The following RAB38 variants were observed in gnomAD, a reference collection of about 807,000 sequenced individuals.
RAB38 encodes ras-related protein Rab-38.
A neutral mutation model predicts 18.4 loss-of-function variants in RAB38; 15 were observed. The observed-to-expected ratio is 0.82, with a 90% confidence interval of 0.55 to 1.26. The LOEUF is 1.26. Among genes scored for constraint, RAB38 ranks in the 50% most tolerant of loss-of-function variants. RAB38 has a pLI of 0.00. For synonymous variants in RAB38, 101 were observed against 104.4 expected (o/e 0.97, Z 0.20); for missense variants, 294 against 267.4 (o/e 1.10, Z -0.69).
At chr11:87,810,164 T>G in the RAB38 span, among the ~76,000 whole-genome samples, 1 of 152,226 alleles carries the variant, frequency 6.6e-6, no homozygotes, top group African/African-American at 2.4e-5. Flanking sequence ...CTTTTTTTAC[T>G]TCTATTTTCC....
chr11:87,916,588 C>G, the RAB38 span, among the ~76,000 whole-genome samples: 5 of 152,212 alleles, frequency 3.3e-5, no homozygotes, highest in Admixed American at 1.3e-4. Context: ...ACTTCCCAGC[C>G]TGCAGAATTG....
At chr11:87,829,262 C>T in the RAB38 span, among the ~76,000 whole-genome samples, 2 of 152,158 alleles carry the variant, frequency 1.3e-5, no homozygotes, top group Admixed American at 6.5e-5. Flanking sequence ...TGGGATTAAT[C>T]GTACTCCAAA....
the RAB38 span, among the ~76,000 whole-genome samples, chr11:87,959,123 A>G: frequency 2.6e-5 from 4 of 151,492 alleles, no homozygotes; most frequent in African/African-American, 9.6e-5. Context: ...CCTTCAGGCT[A>G]TGGGCCCATA....
At chr11:88,006,130 T>C in the RAB38 span, among the ~76,000 whole-genome samples, 74 of 150,824 alleles carry the variant, frequency 4.9e-4, no homozygotes, top group Admixed American at 1.1e-3. Context: ...TGAATAGACA[T>C]TTTTCCAGAG....
chr11:87,844,701 T>C, the RAB38 span, among the ~76,000 whole-genome samples: 1 of 152,228 alleles, frequency 6.6e-6, no homozygotes, highest in African/African-American at 2.4e-5. Context: ...GACTAATTTA[T>C]AACCAAGTCC....
the RAB38 span, among the ~76,000 whole-genome samples, chr11:87,821,156 T>C: frequency 1.3e-5 from 2 of 152,272 alleles, no homozygotes; most frequent in Non-Finnish European, 2.9e-5. Context: ...AGTAGGACTT[T>C]TAAAAAGCCG....
At chr11:88,022,619 A>AAC in the RAB38 span, among the ~76,000 whole-genome samples, 1 of 145,090 alleles carries the variant, frequency 6.9e-6, no homozygotes, top group Non-Finnish European at 1.5e-5. Context: ...CACAAAAAAA[A>AAC]AAAAAAAAAA....
At chr11:88,116,334 A>G (rs940466390) in intron 2 of RAB38, among the ~76,000 whole-genome samples, 25 of 152,164 alleles carry the variant, frequency 1.6e-4, no homozygotes, top group African/African-American at 5.6e-4. Flanking sequence ...AAGAAGCCCT[A>G]TTTGAATGGT....
chr11:88,071,752 T>G, the RAB38 span, among the ~76,000 whole-genome samples: 1 of 152,286 alleles, frequency 6.6e-6, no homozygotes. Flanking sequence ...AAGAATCCCT[T>G]TATGATACAC....
At chr11:87,897,818 T>A in the RAB38 span, among the ~76,000 whole-genome samples, 1 of 151,572 alleles carries the variant, frequency 6.6e-6, no homozygotes, top group Non-Finnish European at 1.5e-5. Flanking sequence ...TTTCTTACTT[T>A]CTGAGACAAA....
At chr11:88,020,819 G>A in the RAB38 span, among the ~76,000 whole-genome samples, 3 of 151,932 alleles carry the variant, frequency 2.0e-5, 1 homozygote, top group South Asian at 4.1e-4. Context: ...AAAACATAAG[G>A]AAATTAAACA....
chr11:87,953,860 T>G, the RAB38 span, among the ~76,000 whole-genome samples: 1 of 152,092 alleles, frequency 6.6e-6, no homozygotes. Context: ...TTAGTGTTTT[T>G]TTTTTTTTCC....
chr11:87,897,755 C>G, the RAB38 span, among the ~76,000 whole-genome samples: 54 of 151,718 alleles, frequency 3.6e-4, no homozygotes, highest in African/African-American at 1.2e-3. Context: ...TGAATAGTTT[C>G]CTCTTCCACT....
At chr11:87,867,669 AAGAC>A in the RAB38 span, among the ~76,000 whole-genome samples, 2 of 151,752 alleles carry the variant, frequency 1.3e-5, no homozygotes, top group African/African-American at 2.4e-5. Flanking sequence ...GAAATTGAGA[AAGAC>A]AGCCTCTGCA....
chr11:87,831,452 T>G, the RAB38 span, among the ~76,000 whole-genome samples: 1 of 152,138 alleles, frequency 6.6e-6, no homozygotes, highest in Non-Finnish European at 1.5e-5. Context: ...ATGAGATCAA[T>G]GAGATGTAGT....
intron 1 of RAB38, among the ~76,000 whole-genome samples, chr11:88,174,923 C>G (rs981697188): frequency 5.3e-5 from 8 of 152,246 alleles, no homozygotes; most frequent in African/African-American, 1.9e-4. Flanking sequence ...CTCTGGTTCC[C>G]TGGGGAGGCC....
At chr11:87,832,793 G>T in the RAB38 span, among the ~76,000 whole-genome samples, 1 of 129,252 alleles carries the variant, frequency 7.7e-6, no homozygotes, top group Admixed American at 8.1e-5. Flanking sequence ...GATCACTCAG[G>T]CTTTGTATTT....
At chr11:88,083,597 T>C in the RAB38 span, among the ~76,000 whole-genome samples, 1 of 151,940 alleles carries the variant, frequency 6.6e-6, no homozygotes, top group African/African-American at 2.4e-5. Flanking sequence ...AAAATTCATG[T>C]TGAAACTTAA....
At chr11:87,868,315 T>A in the RAB38 span, among the ~76,000 whole-genome samples, 1 of 151,608 alleles carries the variant, frequency 6.6e-6, no homozygotes, top group African/African-American at 2.4e-5. Context: ...CACCATGTGA[T>A]CTGTGCACGT....
Sources: allele counts gnomAD v4.1 joint callset (sites outside exome capture counted in the v4.1 genomes callset), GRCh38; gene constraint gnomAD v4.1.1; transcripts MANE v1.5; gene names NCBI Gene and HGNC (gene_info 2026-07-23, HGNC 2026-07-21).